IRF2: variants seen among roughly 807,000 people sequenced by gnomAD.
IRF2 encodes interferon regulatory factor 2.
A neutral mutation model predicts 40.6 loss-of-function variants in IRF2; 15 were observed. The observed-to-expected ratio is 0.37, with a 90% CI of 0.25 to 0.57. IRF2 has a LOEUF of 0.57. IRF2 is among the 20% of genes least tolerant of loss of function. The pLI is 0.77. For missense variants in IRF2, 317 were observed against 455.7 expected (o/e 0.70, Z 2.77); for synonymous variants, 151 against 165.5 (o/e 0.91, Z 0.67).
intron 1 of IRF2, among the ~76,000 whole-genome samples, chr4:184,471,233 C>T (rs1739502514): frequency 6.6e-6 from 1 of 152,178 alleles, no homozygotes; most frequent in South Asian, 2.1e-4. Flanking sequence ...GAAAGCAACA[C>T]TTACGAGATA....
chr4:184,436,747 G>C (rs1738094050), intron 1 of IRF2, among the ~76,000 whole-genome samples: 1 of 152,226 alleles, frequency 6.6e-6, no homozygotes, highest in African/African-American at 2.4e-5. Flanking sequence ...GATGTGAGCA[G>C]AGCAACTGTC....
intron 1 of IRF2, among the ~76,000 whole-genome samples, chr4:184,429,990 A>G (rs1737815873): frequency 6.6e-6 from 1 of 152,210 alleles, no homozygotes; most frequent in South Asian, 2.1e-4. Context: ...TCCAAAAGCA[A>G]AGATGGGTCA....
chr4:184,407,098 C>A, intron 6 of IRF2: 1 of 828,780 alleles, frequency 1.2e-6, no homozygotes, highest in South Asian at 1.4e-5. Flanking sequence ...ACTGCCGAGA[C>A]CAGTCAGACA....
chr4:184,408,144 T>C lies in IRF2; in HGVS notation c.529+14A>G, dbSNP rs1736929784. On this transcript the variant is annotated intron_variant, in intron 6 of 8. Coordinates refer to ENST00000393593, the MANE Select transcript of IRF2 (RefSeq NM_002199.4). This position sits in a 1 kb window ranked among gnomAD's most constrained non-coding sequence, Gnocchi z 4.9. Reference sequence around the variant, plus strand: ...GCTGGTATGTATAAAAAATGAGACGTCAAAACAGTTTACCTATGATGTTCA... The same window carrying C: ...GCTGGTATGTATAAAAAATGAGACGCCAAAACAGTTTACCTATGATGTTCA... 2 of 1,513,222 alleles carry C rather than the reference T, an allele frequency of 1.3e-6. No homozygotes were observed. Among genetic ancestry groups the C allele is most frequent in the South Asian group, 2.3e-5 (2 of 88,180 alleles). 93.7% of individuals were successfully genotyped at this position (1,513,222 alleles called of 1,614,324 possible).
intron 1 of IRF2, among the ~76,000 whole-genome samples, chr4:184,473,625 GCGCCCGGCCCGGCTCCGAGCCCGCC>G (rs1739610119): frequency 6.8e-6 from 1 of 147,758 alleles, no homozygotes; most frequent in Non-Finnish European, 1.5e-5. Flanking sequence ...GCCAGGCCCG[GCGCCCGGCCCGGCTCCGAGCCCGCC>G]CTCCCGCCCC....
intron 1 of IRF2, among the ~76,000 whole-genome samples, chr4:184,457,639 T>C (rs1738991559): frequency 6.6e-6 from 1 of 152,142 alleles, no homozygotes; most frequent in Admixed American, 6.5e-5. Context: ...TAGAAACTTA[T>C]ATAAAAGCAC....
chr4:184,419,664 C>G (rs951022415), intron 2 of IRF2, 96 bp from the exon 3 acceptor site: 1 of 806,162 alleles, frequency 1.2e-6, no homozygotes, highest in Non-Finnish European at 2.0e-6. Flanking sequence ...GCAAGATTCC[C>G]CAGCAAGCAT....
intron 1 of IRF2, among the ~76,000 whole-genome samples, chr4:184,465,561 C>A (rs929223026): frequency 1.3e-5 from 2 of 152,002 alleles, no homozygotes; most frequent in African/African-American, 4.8e-5. Flanking sequence ...TAAAAATACC[C>A]CAATATACAC....
chr4:184,402,423 T>C (rs1472777628), intron 6 of IRF2, among the ~76,000 whole-genome samples: 1 of 152,128 alleles, frequency 6.6e-6, no homozygotes, highest in Admixed American at 6.5e-5. Flanking sequence ...GAAACTACGA[T>C]GGGCCGCGAC....
intron 2 of IRF2, among the ~76,000 whole-genome samples, chr4:184,424,835 G>A (rs1018270825): frequency 6.6e-6 from 1 of 152,234 alleles, no homozygotes; most frequent in Non-Finnish European, 1.5e-5. Context: ...GGAGTAGGTT[G>A]AATGGACTTT....
chr4:184,391,430 A>G (rs1381050626), intron 7 of IRF2, among the ~76,000 whole-genome samples: 1 of 152,202 alleles, frequency 6.6e-6, no homozygotes, highest in Non-Finnish European at 1.5e-5. Context: ...GGGAGAGGAA[A>G]CACTCTGCCT....
In IRF2 at chr4:184,413,882, T is replaced by C. The variant is rs1737165049; in HGVS notation, c.411+4285A>G. On this transcript the variant is annotated intron_variant, in intron 5 of 8. Coordinates refer to ENST00000393593, the MANE Select transcript of IRF2 (RefSeq NM_002199.4). The surrounding 1 kb of genome is among the most constrained non-coding windows in gnomAD (Gnocchi z 4.2). The stretch of plus-strand genomic sequence containing the variant: ...TCCTGCTCTAATTAAGCCAGTTTCC[T>C]GTCTCATCCAGGAAAGACAAACCAA... 6.6e-6 allele frequency among the ~76,000 whole-genome samples: 1 copy of C among 152,268 alleles called. No homozygotes were observed. The highest frequency in any genetic ancestry group is 2.4e-5 in the African/African-American group (1 of 41,472).
chr4:184,454,497 C>A (rs1339899139), intron 1 of IRF2, among the ~76,000 whole-genome samples: 1 of 152,154 alleles, frequency 6.6e-6, no homozygotes, highest in African/African-American at 2.4e-5. Context: ...AGCAAGAATC[C>A]ATGTCTCCTC....
At position 184,430,005 on chromosome 4, in the gene IRF2, C is replaced by T. The variant is rs529515404; in HGVS notation, c.-6-935G>A. Among the ~76,000 whole-genome samples the T allele has an allele frequency of 2.6e-5, 4 of 152,332 alleles. No individual in the cohort carries two copies. The South Asian group carries it at 6.2e-4, about 24-fold the overall frequency. ...TCCAAAAGCAAAGATGGGTCAGGTGCAAGCCTCCATTCTATAGGACCTCAC... is the reference window on the plus strand; with the variant it reads ...TCCAAAAGCAAAGATGGGTCAGGTGTAAGCCTCCATTCTATAGGACCTCAC... On this transcript the variant is annotated intron_variant, in intron 1 of 8. Coordinates refer to ENST00000393593, the MANE Select transcript of IRF2 (RefSeq NM_002199.4).
chr4:184,390,622 T>C (rs1736223763), intron 8 of IRF2, 81 bp downstream of exon 8: 3 of 1,353,788 alleles, frequency 2.2e-6, no homozygotes, highest in Admixed American at 1.7e-5. Flanking sequence ...GAAAGGTGCA[T>C]AACCAGCAGC....
At chr4:184,437,562 GA>G (rs1738127712) in intron 1 of IRF2, among the ~76,000 whole-genome samples, 1 of 152,078 alleles carries the variant, frequency 6.6e-6, no homozygotes. Context: ...CAAAAAATAA[GA>G]AGAAGAAATA....
chr4:184,399,724 C>T (rs1238306768), intron 6 of IRF2, among the ~76,000 whole-genome samples: 1 of 152,234 alleles, frequency 6.6e-6, no homozygotes, highest in African/African-American at 2.4e-5. Flanking sequence ...ACATGTCCAA[C>T]TGGCTGAAAT....
chr4:184,407,255 G>A, intron 6 of IRF2: 1 of 1,286,416 alleles, frequency 7.8e-7, no homozygotes, highest in Non-Finnish European at 1.0e-6. Flanking sequence ...AAAAACAGAA[G>A]TCACCATACA....
rs1266568137 is a variant in IRF2 at position 184,418,599 on chromosome 4, T to C, written c.297A>G (p.Ile99Met). The C allele has an allele frequency of 6.2e-7, 1 of 1,614,244 alleles. No individual in the cohort carries two copies. ...PDIEEVKDKSIKKGNNAFRVY... is the reference protein window; with the variant it reads ...PDIEEVKDKSMKKGNNAFRVY... ...CCCTGAAGGCATTATTTCCTTTCTT[T>C]ATGCTTTTATCCTTGACTTCTTCAA... The change falls in exon 4 of 9, where the codon ATA (isoleucine) becomes ATG (methionine). Residue 99 changes from isoleucine to methionine, a missense_variant. By Grantham distance (10) the Ile-to-Met change is conservative. This residue lies in a region of IRF2 where 262 missense variants were observed against 334.0 expected (regional missense o/e 0.78). Coordinates refer to ENST00000393593, the MANE Select transcript of IRF2 (RefSeq NM_002199.4).
Sources: gnomAD v4.1 joint callset for allele counts (sites outside exome capture counted in the v4.1 genomes callset) on GRCh38, gnomAD v4.1.1 for gene constraint, gnomAD v4.1.1 regional missense constraint, Gnocchi (gnomAD v3.1) non-coding constraint, MANE v1.5 for transcripts, NCBI Gene and HGNC (gene_info 2026-07-23, HGNC 2026-07-21) for gene names.